The following NAA60 variants were observed in gnomAD, a reference collection of about 807,000 sequenced individuals.
NAA60 encodes N-alpha-acetyltransferase 60.
A neutral mutation model predicts 26.1 loss-of-function variants in NAA60; 8 were observed. The observed-to-expected ratio is 0.31, with a 90% CI of 0.18 to 0.55. The LOEUF (loss-of-function observed/expected upper bound fraction) is 0.55. Among genes scored for constraint, NAA60 ranks in the 20% least tolerant of loss-of-function variants. The pLI, the probability that NAA60 is intolerant of heterozygous loss-of-function variation, is 0.93. For synonymous variants in NAA60, 131 were observed against 122.5 expected (o/e 1.07, Z -0.46); for missense variants, 290 against 311.3 (o/e 0.93, Z 0.51).
Position 3,482,581 on chromosome 16 carries a change from T to C in NAA60, c.320T>C (p.Phe107Ser). The change falls in exon 5 of 8, where the codon TTC becomes TCC. Residue 107 changes from phenylalanine to serine, a missense_variant. Phe to Ser is a radical substitution (Grantham distance 155). Coordinates refer to ENST00000407558, the MANE Select transcript of NAA60 (RefSeq NM_001083601.3). Reference protein sequence around the residue: ...YILSLGVVKEFRKHGIGSLLL... With the variant: ...YILSLGVVKESRKHGIGSLLL... ...CTAAGTCTGGGCGTCGTGAAAGAGT[T>C]CAGGAAGCACGGCATAGGTAAGGGC... is the stretch of plus-strand genomic sequence containing the variant. The C allele has an allele frequency of 3.1e-6, 5 of 1,606,818 alleles. No homozygotes were observed. The highest frequency in any genetic ancestry group is 4.2e-6 in the Non-Finnish European group (5 of 1,176,742).
At chr16:3,484,388 C>T (rs2037040906) in intron 6 of NAA60, among the ~76,000 whole-genome samples, 1 of 152,180 alleles carries the variant, frequency 6.6e-6, no homozygotes. Flanking sequence ...TAGGGAGAAC[C>T]AGAAGCACCT....
chr16:3,465,484 C>T (rs758629717), intron 2 of NAA60, among the ~76,000 whole-genome samples: 7 of 152,112 alleles, frequency 4.6e-5, no homozygotes, highest in Non-Finnish European at 7.4e-5. Flanking sequence ...GGTGAGTCGT[C>T]CTTCCGGCTG....
At chr16:3,453,392 T>C (rs939923678) in intron 2 of NAA60, among the ~76,000 whole-genome samples, 2 of 152,018 alleles carry the variant, frequency 1.3e-5, no homozygotes, top group Non-Finnish European at 2.9e-5. Flanking sequence ...AGACTCTGTC[T>C]CCAATAATGA....
chr16:3,469,207 A>G (rs1399494419), intron 2 of NAA60, among the ~76,000 whole-genome samples: 1 of 152,248 alleles, frequency 6.6e-6, no homozygotes, highest in Non-Finnish European at 1.5e-5. Context: ...GGCTTGGGCA[A>G]CTGTGACTTT....
intron 2 of NAA60, among the ~76,000 whole-genome samples, chr16:3,469,321 C>G (rs2035972864): frequency 8.0e-6 from 1 of 124,256 alleles, no homozygotes; most frequent in African/African-American, 3.1e-5. Context: ...TGCCTTGCTG[C>G]TCCTCCCAGC....
chr16:3,460,280 A>T (rs944202296), intron 2 of NAA60, among the ~76,000 whole-genome samples: 11 of 152,314 alleles, frequency 7.2e-5, no homozygotes, highest in African/African-American at 2.4e-4. Flanking sequence ...CATCTGCGTC[A>T]TCTCCATTAT....
At chr16:3,478,271 A>G (rs1180805931) in intron 3 of NAA60, among the ~76,000 whole-genome samples, 1 of 152,156 alleles carries the variant, frequency 6.6e-6, no homozygotes, top group East Asian at 1.9e-4. Context: ...CAGCCCAGCA[A>G]TTTAACTGCT....
intron 3 of NAA60, among the ~76,000 whole-genome samples, chr16:3,478,515 T>C (rs2036622993): frequency 6.6e-6 from 1 of 152,208 alleles, no homozygotes; most frequent in African/African-American, 2.4e-5. Context: ...AGAAACTCCA[T>C]GTGCCTCTGT....
intron 2 of NAA60, among the ~76,000 whole-genome samples, chr16:3,465,625 C>T (rs559609268): frequency 3.6e-4 from 55 of 152,144 alleles, no homozygotes; most frequent in Non-Finnish European, 5.9e-4. Context: ...GGTGCAGTTT[C>T]GAGGAGGATG....
At chr16:3,476,388 A>C (rs1441151996) in intron 3 of NAA60, 51 bp downstream of exon 3, 5 of 1,507,910 alleles carry the variant, frequency 3.3e-6, no homozygotes, top group Admixed American at 1.8e-5. Context: ...CCTCAGGTGC[A>C]GAAGCTGGGC....
chr16:3,458,044 C>G (rs1412859146), intron 2 of NAA60: 2 of 985,254 alleles, frequency 2.0e-6, no homozygotes, highest in Non-Finnish European at 2.4e-6. Flanking sequence ...CGCGGGCTGC[C>G]GCCTCCGTCC....
rs2036971999 is a variant in NAA60 at position 3,483,402 on chromosome 16, C to A, written c.377C>A (p.Thr126Asn). 1 of 1,613,598 alleles carries A rather than the reference C, an allele frequency of 6.2e-7. No homozygotes were observed. Among genetic ancestry groups the A allele is most frequent in the East Asian group, 2.2e-5 (1 of 44,884 alleles). ...LLESLKDHIS[T>N]TAQDHCKAIY... ...GAAAGTTTAAAGGATCACATATCAACCACCGCCCAGGACCACTGCAAAGCC... is the reference window on the plus strand; with the variant it reads ...GAAAGTTTAAAGGATCACATATCAAACACCGCCCAGGACCACTGCAAAGCC... The change falls in exon 6 of 8, where the codon ACC (threonine) becomes AAC (asparagine). Residue 126 changes from threonine to asparagine, a missense_variant. By Grantham distance (65) the Thr-to-Asn change is moderately conservative. Coordinates refer to ENST00000407558, the MANE Select transcript of NAA60 (RefSeq NM_001083601.3).
chr16:3,469,072 C>G (rs372744774), intron 2 of NAA60, among the ~76,000 whole-genome samples: 1 of 147,060 alleles, frequency 6.8e-6, no homozygotes, highest in African/African-American at 2.5e-5. Context: ...GGCAACAGAG[C>G]CAGACAACAT....
chr16:3,455,317 C>T (rs1181007838), intron 2 of NAA60, among the ~76,000 whole-genome samples: 2 of 152,054 alleles, frequency 1.3e-5, no homozygotes, highest in Non-Finnish European at 2.9e-5. Context: ...GTGATCCACC[C>T]GCGTCAGCCT....
At chr16:3,444,022 G>A in intron 1 of NAA60, 185 bp downstream of exon 1, 1 of 1,189,798 alleles carries the variant, frequency 8.4e-7, no homozygotes, top group Non-Finnish European at 1.1e-6. Flanking sequence ...CATCGGTGTA[G>A]GCCAGGTTGC....
At chr16:3,478,697 T>G (rs1234274809) in intron 3 of NAA60, among the ~76,000 whole-genome samples, 2 of 152,160 alleles carry the variant, frequency 1.3e-5, no homozygotes, top group Non-Finnish European at 2.9e-5. Context: ...AAGGGCGGGT[T>G]CCTCCCTGTC....
chr16:3,458,281 G>A, intron 2 of NAA60: 2 of 779,676 alleles, frequency 2.6e-6, no homozygotes, highest in Non-Finnish European at 3.1e-6. Flanking sequence ...GGGGGCCAGC[G>A]CCCACCGGGT....
At chr16:3,444,059 G>A (rs970110126) in intron 1 of NAA60, among the ~76,000 whole-genome samples, 37 of 152,176 alleles carry the variant, frequency 2.4e-4, no homozygotes, top group African/African-American at 8.7e-4. Context: ...GTGTTATAGA[G>A]GCATTACGTA....
intron 2 of NAA60, among the ~76,000 whole-genome samples, chr16:3,452,412 T>C (rs1039774437): frequency 1.3e-5 from 2 of 152,048 alleles, no homozygotes; most frequent in African/African-American, 4.8e-5. Context: ...CCTAGCACTT[T>C]GGGAGGCTGA....
Sources: allele counts gnomAD v4.1 joint callset (sites outside exome capture counted in the v4.1 genomes callset), GRCh38; gene constraint gnomAD v4.1.1; transcripts MANE v1.5; gene names NCBI Gene and HGNC (gene_info 2026-07-23, HGNC 2026-07-21).